The following TMEM163 variants were observed in gnomAD, a reference collection of about 807,000 sequenced individuals.
TMEM163 encodes the protein transmembrane protein 163.
In TMEM163, 17 loss-of-function variants were observed where a neutral mutation model predicts 29.3. That is an observed-to-expected ratio of 0.58 (90% CI 0.40 to 0.87). TMEM163 has a LOEUF of 0.87. TMEM163 is among the 40% of genes least tolerant of loss of function. TMEM163 has a pLI of 0.00. For missense variants in TMEM163, 303 were observed against 381.5 expected (o/e 0.79, Z 1.71); for synonymous variants, 157 against 160.6 (o/e 0.98, Z 0.17).
intron 2 of TMEM163, among the ~76,000 whole-genome samples, chr2:134,554,422 CAAAAAAAAA>C (rs941286100): frequency 1.1e-3 from 23 of 21,148 alleles, no homozygotes; most frequent in East Asian, 8.5e-3. Context: ...GACCCCATCT[CAAAAAAAAA>C]AAAAAAAAAA....
At chr2:134,680,989 A>G (rs1684218684) in intron 2 of TMEM163, among the ~76,000 whole-genome samples, 2 of 152,248 alleles carry the variant, frequency 1.3e-5, no homozygotes, top group Non-Finnish European at 2.9e-5. Context: ...AAAGTAGTTC[A>G]ATAGCACACA....
rs139396209 is a variant in TMEM163, at chr2:134,604,975, T to A, written c.323-52884A>T. 1.7e-3 allele frequency among the ~76,000 whole-genome samples: 252 copies of A among 152,120 alleles called. 1 individual carries two copies. Among genetic ancestry groups the A allele is most frequent in the Middle Eastern group, 0.014 (4 of 294 alleles). On this transcript the variant is annotated intron_variant, in intron 2 of 7. Transcript: ENST00000281924. Reference sequence around the variant, plus strand: ...CAGGCAGATCACCAGAGGTCGGGATTTCGAGATCAGTCTGGCCAACATGGT... The same window carrying A: ...CAGGCAGATCACCAGAGGTCGGGATATCGAGATCAGTCTGGCCAACATGGT...
At chr2:134,568,469 G>A (rs1242667279) in intron 2 of TMEM163, among the ~76,000 whole-genome samples, 2 of 151,810 alleles carry the variant, frequency 1.3e-5, no homozygotes, top group East Asian at 3.9e-4. Flanking sequence ...GGAGGTTGCA[G>A]TAAGCTGAGA....
At chr2:134,497,363 A>T (rs1431049901) in intron 5 of TMEM163, among the ~76,000 whole-genome samples, 1 of 152,198 alleles carries the variant, frequency 6.6e-6, no homozygotes, top group African/African-American at 2.4e-5. Flanking sequence ...TGTATTATTT[A>T]TTGCCAACAT....
chr2:134,491,724 A>C (rs1679433044), intron 5 of TMEM163, among the ~76,000 whole-genome samples: 1 of 152,236 alleles, frequency 6.6e-6, no homozygotes, highest in Admixed American at 6.5e-5. Context: ...TGAAGGTCTA[A>C]TGAGATATCA....
chr2:134,575,344 G>C lies in TMEM163; in HGVS notation c.323-23253C>G, dbSNP rs1574249957. On this transcript the variant is annotated intron_variant, in intron 2 of 7. Transcript: ENST00000281924. ...GTCAGGCCCCTACCCCACCCCCAGT[G>C]CCCACCATTCCTGCTGCTGTCAGCC... 2.0e-5 allele frequency among the ~76,000 whole-genome samples: 3 copies of C among 152,168 alleles called. 1 individual carries two copies. The highest frequency in any genetic ancestry group is 2.0e-4 in the Admixed American group (3 of 15,304).
chr2:134,485,950 G>A (rs1679296689), intron 5 of TMEM163, among the ~76,000 whole-genome samples: 1 of 152,132 alleles, frequency 6.6e-6, no homozygotes, highest in East Asian at 1.9e-4. Flanking sequence ...CACACCTGTG[G>A]CCTGCTCCAT....
At chr2:134,524,650 G>A (rs1680254654) in intron 4 of TMEM163, among the ~76,000 whole-genome samples, 1 of 150,228 alleles carries the variant, frequency 6.7e-6, no homozygotes, top group African/African-American at 2.4e-5. Flanking sequence ...TCAGTTTGCT[G>A]AGGATGATGG....
intron 2 of TMEM163, among the ~76,000 whole-genome samples, chr2:134,683,727 G>A (rs1303258173): frequency 1.3e-5 from 2 of 152,166 alleles, no homozygotes; most frequent in African/African-American, 4.8e-5. Context: ...TGGGAGGGAA[G>A]GAGGAAGAAG....
intron 2 of TMEM163, among the ~76,000 whole-genome samples, chr2:134,587,442 C>T (rs1681847805): frequency 6.6e-6 from 1 of 152,034 alleles, no homozygotes; most frequent in Admixed American, 6.5e-5. Flanking sequence ...AGTATCACCC[C>T]CGTGTGAGAA....
At chr2:134,536,515 G>A (rs1229816031) in intron 4 of TMEM163, among the ~76,000 whole-genome samples, 6 of 152,138 alleles carry the variant, frequency 3.9e-5, no homozygotes, top group African/African-American at 1.4e-4. Context: ...GGAGGCTAGC[G>A]GCACAGGGCA....
intron 5 of TMEM163, among the ~76,000 whole-genome samples, chr2:134,495,407 G>A (rs1245918912): frequency 1.3e-5 from 2 of 152,210 alleles, no homozygotes; most frequent in East Asian, 1.9e-4. Flanking sequence ...GAAGGCAGGC[G>A]AGGCTGTCTC....
At chr2:134,683,839 C>T (rs1296830383) in intron 2 of TMEM163, among the ~76,000 whole-genome samples, 2 of 149,842 alleles carry the variant, frequency 1.3e-5, no homozygotes, top group African/African-American at 5.1e-5. Flanking sequence ...GAACTTGACA[C>T]GTCAACACCA....
chr2:134,457,333 A>T (rs1272249970), intron 7 of TMEM163, among the ~76,000 whole-genome samples: 1 of 152,064 alleles, frequency 6.6e-6, no homozygotes, highest in Non-Finnish European at 1.5e-5. Flanking sequence ...GCGAATGGTA[A>T]CTCTGCGTCC....
At chr2:134,525,377 A>G (rs1480816701) in intron 4 of TMEM163, among the ~76,000 whole-genome samples, 2 of 152,178 alleles carry the variant, frequency 1.3e-5, no homozygotes, top group Non-Finnish European at 2.9e-5. Flanking sequence ...GTTAAATGAT[A>G]AGACTTAGCT....
chr2:134,582,038 G>A (rs531062715), intron 2 of TMEM163, among the ~76,000 whole-genome samples: 64 of 152,254 alleles, frequency 4.2e-4, no homozygotes, highest in Non-Finnish European at 4.4e-5. Context: ...TCACACACAC[G>A]GCAGAGAACC....
chr2:134,643,087 C>G (rs1053439184), intron 2 of TMEM163, among the ~76,000 whole-genome samples: 2 of 151,906 alleles, frequency 1.3e-5, no homozygotes, highest in Admixed American at 1.3e-4. Context: ...AAAAGAAATA[C>G]GTAAACCTCT....
chr2:134,560,467 G>T (rs778202532), intron 2 of TMEM163, among the ~76,000 whole-genome samples: 1 of 152,148 alleles, frequency 6.6e-6, no homozygotes, highest in African/African-American at 2.4e-5. Context: ...ACAGGACCAA[G>T]GGCTCAAAAC....
chr2:134,624,737 C>T (rs1682812221), intron 2 of TMEM163, among the ~76,000 whole-genome samples: 1 of 151,922 alleles, frequency 6.6e-6, no homozygotes, highest in South Asian at 2.1e-4. Flanking sequence ...GGCGAAACCC[C>T]GTCTGTACTA....
Sources: gnomAD v4.1 joint callset for allele counts (sites outside exome capture counted in the v4.1 genomes callset) on GRCh38, gnomAD v4.1.1 for gene constraint, MANE v1.5 for transcripts, NCBI Gene and HGNC (gene_info 2026-07-23, HGNC 2026-07-21) for gene names.